DMXL1: variants seen among roughly 807,000 people sequenced by gnomAD.
DMXL1 encodes the protein dmX-like protein 1.
Under a neutral mutation model 319.2 loss-of-function variants are expected in DMXL1, and 99 were observed. That is an observed-to-expected ratio of 0.31 (90% CI 0.26 to 0.37). DMXL1 has a LOEUF of 0.37. Among genes scored for constraint, DMXL1 ranks in the 10% least tolerant of loss-of-function variants. The pLI, the probability that DMXL1 is intolerant of heterozygous loss-of-function variation, is 1.00. For synonymous variants in DMXL1, 1,385 were observed against 1,235.2 expected, an observed-to-expected ratio of 1.12 and a Z score of -2.54; for missense variants, 3,745 against 3,595.6, an observed-to-expected ratio of 1.04 and a Z score of -1.06.
chr5:119,233,568 T>A, intron 39 of DMXL1, 101 bp downstream of exon 39: 1 of 888,240 alleles, frequency 1.1e-6, no homozygotes, highest in Non-Finnish European at 1.7e-6. Flanking sequence ...TGGGTAGTAG[T>A]AAAGTATTGA....
rs147251462 is a variant in DMXL1 at position 119,219,299 on chromosome 5, C to T, written c.8014-1173C>T. On this transcript the variant is annotated intron_variant, in intron 35 of 43. Transcript: ENST00000539542. ...TTGCCCTTTGCTCTGGAGGGAGAGA[C>T]GATAGTTATACAAACATCCTGGCAA... 1.7e-3 allele frequency among the ~76,000 whole-genome samples: 261 copies of T among 152,128 alleles called. 2 individuals are homozygous for T. Among genetic ancestry groups the T allele is most frequent in the Non-Finnish European group, 1.7e-3 (116 of 68,006 alleles).
chr5:119,138,908 A>G (rs1255841532), intron 13 of DMXL1: 1 of 152,234 alleles, frequency 6.6e-6, no homozygotes, highest in Non-Finnish European at 1.5e-5. Context: ...TACTGAGAAG[A>G]TGAGCATGGC....
Position 119,121,052 on chromosome 5 carries a change from G to A in DMXL1, c.1015G>A (p.Asp339Asn), listed in dbSNP as rs766576335. ...AHTGYLPHQQ[D>N]PHHVHRNTPL... ...TACGGGATATCTACCACATCAGCAG[G>A]ATCCTCATCATGTTCACAGGAACAC... Residue 339 changes from aspartate (D) to asparagine (N), a missense_variant, in exon 9 of 44, where the codon GAT becomes AAT. Physicochemically the swap from Asp to Asn is conservative, Grantham distance 23 (BLOSUM62 1). Transcript: ENST00000539542. 11 of 1,613,606 alleles carry A rather than the reference G, an allele frequency of 6.8e-6. No individual in the cohort carries two copies. In the African/African-American group the frequency reaches 1.5e-4, roughly 22 times the overall value.
intron 28 of DMXL1, among the ~76,000 whole-genome samples, chr5:119,180,731 T>C (rs1776634992): frequency 6.6e-6 from 1 of 152,186 alleles, no homozygotes; most frequent in South Asian, 2.1e-4. Context: ...TTGAGATATC[T>C]GAATTCAATT....
At position 119,174,775 on chromosome 5, in the gene DMXL1, T is replaced by C. The variant is rs186990205; in HGVS notation, c.6682-486T>C. On this transcript the variant is annotated intron_variant, in intron 25 of 43. Coordinates refer to ENST00000539542, the MANE Select transcript of DMXL1 (RefSeq NM_001290321.3). ...CCTTTCAGTTACTGCCTTTTATACCTTATATCCTTTCTCTTTCTCTTTCCT... is the reference window on the plus strand; with the variant it reads ...CCTTTCAGTTACTGCCTTTTATACCCTATATCCTTTCTCTTTCTCTTTCCT... 3.4e-3 allele frequency among the ~76,000 whole-genome samples: 515 copies of C among 150,998 alleles called. 3 individuals carry two copies. Among genetic ancestry groups the C allele is most frequent in the African/African-American group, 0.012 (507 of 41,534 alleles).
intron 38 of DMXL1, among the ~76,000 whole-genome samples, chr5:119,227,280 G>A (rs1374221590): frequency 2.0e-5 from 3 of 151,974 alleles, no homozygotes; most frequent in South Asian, 2.1e-4. Context: ...AATGTTTAAT[G>A]TGTTTTCCCT....
At chr5:119,089,968 A>G (rs1211765700) in intron 1 of DMXL1, among the ~76,000 whole-genome samples, 1 of 99,238 alleles carries the variant, frequency 1.0e-5, no homozygotes. Context: ...TTGACCTTTG[A>G]GAGTTTGATT....
At chr5:119,120,081 A>G (rs550048212) in intron 8 of DMXL1, among the ~76,000 whole-genome samples, 3 of 151,972 alleles carry the variant, frequency 2.0e-5, no homozygotes, top group East Asian at 2.0e-4. Context: ...GGGTTTTGCC[A>G]TGTTGGCTCA....
At chr5:119,143,451 C>G (rs1051072300) in intron 13 of DMXL1, among the ~76,000 whole-genome samples, 7 of 151,934 alleles carry the variant, frequency 4.6e-5, no homozygotes, top group Non-Finnish European at 1.0e-4. Context: ...ATGAATGGCT[C>G]AAGAGATCAG....
At chr5:119,089,301 T>TATATATATGCA (rs1561549936) in intron 1 of DMXL1, among the ~76,000 whole-genome samples, 1 of 93,706 alleles carries the variant, frequency 1.1e-5, no homozygotes, top group African/African-American at 4.2e-5. Context: ...TATTTTTTTT[T>TATATATATGCA]TTTTTTTTTT....
At chr5:119,242,574 A>C (rs775332383) in intron 42 of DMXL1, among the ~76,000 whole-genome samples, 30 of 152,202 alleles carry the variant, frequency 2.0e-4, no homozygotes, top group Non-Finnish European at 4.1e-4. Context: ...TCCTAATCAA[A>C]ATTCCAGCAT....
At chr5:119,238,107 G>C (rs1788086254) in intron 40 of DMXL1, among the ~76,000 whole-genome samples, 1 of 151,972 alleles carries the variant, frequency 6.6e-6, no homozygotes, top group African/African-American at 2.4e-5. Flanking sequence ...TTTTTATTAA[G>C]CTTAAAGATT....
At chr5:119,203,289 T>C in intron 32 of DMXL1, 30 bp from the exon 33 acceptor site, 1 of 1,407,746 alleles carries the variant, frequency 7.1e-7, no homozygotes, top group South Asian at 1.4e-5. Flanking sequence ...TTCTGAAGTT[T>C]ATCATTAAAT....
chr5:119,113,463 G>A (rs980355734), intron 5 of DMXL1, among the ~76,000 whole-genome samples: 5 of 152,110 alleles, frequency 3.3e-5, no homozygotes, highest in Admixed American at 6.5e-5. Context: ...GGCTGGTCTC[G>A]AACTCCTGAC....
chr5:119,194,822 AGGT>A (rs557698049), intron 30 of DMXL1, among the ~76,000 whole-genome samples: 7 of 152,332 alleles, frequency 4.6e-5, no homozygotes, highest in Non-Finnish European at 1.0e-4. Flanking sequence ...TGGGAGGCCG[AGGT>A]GGTCAGATCA....
At position 119,150,516 on chromosome 5, in the gene DMXL1, C is replaced by G; in HGVS notation, c.4594+95C>G. 3 of 1,362,074 alleles carry G rather than the reference C, an allele frequency of 2.2e-6. No homozygotes were observed. In the East Asian group the frequency reaches 7.7e-5, roughly 35 times the overall value. The allele number at this position is 1,362,074 out of a possible 1,614,324, so 84.4% of individuals were successfully genotyped here. On this transcript the variant is annotated intron_variant, in intron 18 of 43. Coordinates refer to ENST00000539542, the MANE Select transcript of DMXL1 (RefSeq NM_001290321.3). The stretch of plus-strand genomic sequence containing the variant: ...TTAAAATGATGCCATTGGCTAGGCA[C>G]AGGGGCTTATGCCTGTAAATTCAGC...
intron 30 of DMXL1, among the ~76,000 whole-genome samples, chr5:119,195,009 A>G (rs1779358122): frequency 1.3e-5 from 2 of 152,160 alleles, no homozygotes; most frequent in African/African-American, 4.8e-5. Context: ...CATTAGAGAA[A>G]TGCAGATCAG....
chr5:119,154,394 G>T (rs771910809), intron 19 of DMXL1, among the ~76,000 whole-genome samples: 11 of 152,216 alleles, frequency 7.2e-5, no homozygotes, highest in Non-Finnish European at 1.5e-4. Flanking sequence ...ACACATAAAT[G>T]ATAAGAAAGC....
In DMXL1 at chr5:119,144,550, C is replaced by G. The variant is rs1373279836; in HGVS notation, c.2481C>G (p.Thr827=). The stretch of plus-strand genomic sequence containing the variant: ...TTTATATTCAGCATGGCAGAAAAAC[C>G]CAACTGCTTCATGTTTTTGAAGAAG... ...DPITKLHGRK[T]QLLHVFEEDF... is the part of the protein sequence containing the mutation. Residue 827 remains threonine (T), a synonymous_variant, in exon 15 of 44, where the codon ACC becomes ACG. Coordinates refer to ENST00000539542, the MANE Select transcript of DMXL1 (RefSeq NM_001290321.3). The G allele has an allele frequency of 1.2e-6, 2 of 1,601,026 alleles. No individual in the cohort carries two copies. Among genetic ancestry groups the G allele is most frequent in the East Asian group, 2.3e-5 (1 of 44,360 alleles).
Sources: gnomAD v4.1 joint callset for allele counts (sites outside exome capture counted in the v4.1 genomes callset) on GRCh38, gnomAD v4.1.1 for gene constraint, MANE v1.5 for transcripts, NCBI Gene and HGNC (gene_info 2026-07-23, HGNC 2026-07-21) for gene names.